ATP2B4: variants seen among roughly 807,000 people sequenced by gnomAD.
The protein encoded by ATP2B4 is plasma membrane calcium-transporting ATPase 4.
In ATP2B4, 39 loss-of-function variants were observed where a neutral mutation model predicts 110.3. The ratio of observed to expected loss-of-function variants is 0.35; its 90% CI spans 0.27 to 0.46. The LOEUF (loss-of-function observed/expected upper bound fraction) is 0.46, where lower values mean the gene tolerates loss of function less well. ATP2B4 is among the 20% of genes least tolerant of loss of function. The pLI, the probability that ATP2B4 is intolerant of heterozygous loss-of-function variation, is 1.00. For missense variants in ATP2B4, 1,135 were observed against 1,530.9 expected, an observed-to-expected ratio of 0.74 and a Z score of 4.32; for synonymous variants, 538 against 571.7, an observed-to-expected ratio of 0.94 and a Z score of 0.84.
At chr1:203,713,030 A>T in intron 13 of ATP2B4, 135 bp from the exon 14 acceptor site, 5 of 912,508 alleles carry the variant, frequency 5.5e-6, no homozygotes, top group Non-Finnish European at 8.7e-6. Context: ...ATCTCTGCTT[A>T]ATCCAGAATA....
At chr1:203,650,465 A>T (rs1663947913) in intron 1 of ATP2B4, among the ~76,000 whole-genome samples, 1 of 152,180 alleles carries the variant, frequency 6.6e-6, no homozygotes, top group Non-Finnish European at 1.5e-5. Flanking sequence ...GCTGCTGCCC[A>T]GGTGGAGTCG....
intron 15 of ATP2B4, among the ~76,000 whole-genome samples, chr1:203,716,350 G>A (rs1316802527): frequency 1.4e-5 from 2 of 145,472 alleles, no homozygotes; most frequent in Non-Finnish European, 3.1e-5. Context: ...TATGTGTGAT[G>A]TTCTGCCTAG....
intron 1 of ATP2B4, among the ~76,000 whole-genome samples, chr1:203,660,550 C>A (rs1664307090): frequency 1.3e-5 from 2 of 152,090 alleles, no homozygotes; most frequent in African/African-American, 4.8e-5. Context: ...GCCTGTAATT[C>A]CAGCACTTTG....
At chr1:203,634,012 T>G (rs896444932) in intron 1 of ATP2B4, among the ~76,000 whole-genome samples, 1 of 152,158 alleles carries the variant, frequency 6.6e-6, no homozygotes, top group Non-Finnish European at 1.5e-5. Flanking sequence ...ATCACACTAT[T>G]GCACTCCAGC....
At chr1:203,639,647 G>C (rs1663566309) in intron 1 of ATP2B4, among the ~76,000 whole-genome samples, 1 of 152,216 alleles carries the variant, frequency 6.6e-6, no homozygotes, top group African/African-American at 2.4e-5. Context: ...GCTTGCGCTT[G>C]TCCTTTGCTG....
chr1:203,683,939 G>T (rs1210546573), intron 2 of ATP2B4, among the ~76,000 whole-genome samples: 1 of 152,006 alleles, frequency 6.6e-6, no homozygotes, highest in Non-Finnish European at 1.5e-5. Flanking sequence ...GCCTCCCAAA[G>T]TGTTGGGATT....
In ATP2B4 at chr1:203,629,530, A is replaced by T. The variant is rs1261308976; in HGVS notation, c.-465+2311A>T. 2.6e-5 allele frequency among the ~76,000 whole-genome samples: 4 copies of T among 152,064 alleles called. No individual in the cohort carries two copies. The highest frequency in any genetic ancestry group is 2.6e-4 in the Admixed American group (4 of 15,266). ...CGCCTGAGCCCGGGGTCGCGGCCAA[A>T]GGGGTAATCGGCTCCCGCAGTCTCA... On this transcript the variant is annotated intron_variant, in intron 1 of 20. Coordinates refer to ENST00000357681, the MANE Select transcript of ATP2B4 (RefSeq NM_001684.5). This position sits in a 1 kb window ranked among gnomAD's most constrained non-coding sequence, Gnocchi z 4.6.
At chr1:203,671,988 T>A (rs1479359547) in intron 1 of ATP2B4, among the ~76,000 whole-genome samples, 1 of 152,178 alleles carries the variant, frequency 6.6e-6, no homozygotes, top group Non-Finnish European at 1.5e-5. Flanking sequence ...ATCCTCCATG[T>A]CTTCCTCCCT....
chr1:203,694,611 G>C (rs1163306414), intron 2 of ATP2B4, among the ~76,000 whole-genome samples: 1 of 152,166 alleles, frequency 6.6e-6, no homozygotes, highest in African/African-American at 2.4e-5. Context: ...ATAAGGACTG[G>C]GGGGCTGGGG....
intron 2 of ATP2B4, among the ~76,000 whole-genome samples, chr1:203,691,222 C>T (rs16852155): frequency 2.0e-5 from 3 of 152,158 alleles, no homozygotes; most frequent in Non-Finnish European, 4.4e-5. Flanking sequence ...TCAGCAGCAA[C>T]TGTTGCAAGT....
At chr1:203,646,860 G>T (rs1663817498) in intron 1 of ATP2B4, among the ~76,000 whole-genome samples, 1 of 152,224 alleles carries the variant, frequency 6.6e-6, no homozygotes, top group African/African-American at 2.4e-5. Flanking sequence ...AGCATGAAGA[G>T]AAAACTAAAA....
At chr1:203,713,364 G>A in intron 14 of ATP2B4, 112 bp downstream of exon 14, 1 of 1,150,218 alleles carries the variant, frequency 8.7e-7, no homozygotes, top group South Asian at 1.3e-5. Context: ...GAGGTCCTAG[G>A]AGAGCTCCCA....
intron 2 of ATP2B4, among the ~76,000 whole-genome samples, chr1:203,693,843 G>A (rs1036218311): frequency 2.3e-4 from 35 of 152,308 alleles, no homozygotes; most frequent in African/African-American, 7.7e-4. Context: ...TTCCCAGGAG[G>A]CAGAAACTTC....
At chr1:203,662,976 G>T (rs1199707000) in intron 1 of ATP2B4, among the ~76,000 whole-genome samples, 1 of 152,160 alleles carries the variant, frequency 6.6e-6, no homozygotes, top group Non-Finnish European at 1.5e-5. Context: ...TGATTATCTG[G>T]GGCCAGAACC....
chr1:203,637,034 C>T (rs768244571), intron 1 of ATP2B4, among the ~76,000 whole-genome samples: 10 of 152,092 alleles, frequency 6.6e-5, no homozygotes, highest in Non-Finnish European at 1.2e-4. Flanking sequence ...TGTCCTAGGC[C>T]AGAAACTAAG....
At chr1:203,692,763 G>A (rs756516649) in intron 2 of ATP2B4, among the ~76,000 whole-genome samples, 1 of 152,156 alleles carries the variant, frequency 6.6e-6, no homozygotes, top group African/African-American at 2.4e-5. Flanking sequence ...GCCACTGAGG[G>A]TTGGGCTGCA....
At chr1:203,664,986 C>T (rs1206841645) in intron 1 of ATP2B4, among the ~76,000 whole-genome samples, 8 of 152,252 alleles carry the variant, frequency 5.3e-5, no homozygotes, top group Non-Finnish European at 1.0e-4. Flanking sequence ...CGCCTGCCAC[C>T]GCGCCTGGCT....
chr1:203,651,548 C>A (rs1362471762), intron 1 of ATP2B4, among the ~76,000 whole-genome samples: 1 of 152,176 alleles, frequency 6.6e-6, no homozygotes, highest in Non-Finnish European at 1.5e-5. Context: ...CTCTTGATAA[C>A]CATATGTATG....
At chr1:203,733,194 A>C in intron 20 of ATP2B4, 2 of 1,596,058 alleles carry the variant, frequency 1.3e-6, no homozygotes, top group Non-Finnish European at 1.7e-6. Context: ...CTGTGGAGCA[A>C]AGCTGTCTCA....
Sources: allele counts gnomAD v4.1 joint callset (sites outside exome capture counted in the v4.1 genomes callset), GRCh38; gene constraint gnomAD v4.1.1; non-coding constraint Gnocchi (gnomAD v3.1); transcripts MANE v1.5; gene names NCBI Gene and HGNC (gene_info 2026-07-23, HGNC 2026-07-21).